Variants in RAB6B observed in about 807,000 individuals in gnomAD.
The protein encoded by RAB6B is ras-related protein Rab-6B.
RAB6B carries 7 observed loss-of-function variants against 31.2 expected under a neutral mutation model. That is an observed-to-expected ratio of 0.22 (90% CI 0.13 to 0.42). The LOEUF is 0.42. Ranked by LOEUF, RAB6B falls within the 10% of genes least tolerant of loss-of-function variation. RAB6B has a pLI of 1.00. For synonymous variants in RAB6B, 105 were observed against 104.9 expected, an observed-to-expected ratio of 1.00 and a Z score of -0.01; for missense variants, 149 against 280.6, an observed-to-expected ratio of 0.53 and a Z score of 3.35.
chr3:133,853,076 G>C (rs369866550), intron 2 of RAB6B, among the ~76,000 whole-genome samples: 2 of 152,194 alleles, frequency 1.3e-5, no homozygotes, highest in South Asian at 2.1e-4. Context: ...GAGGGATATG[G>C]GGACATCAGA....
intron 1 of RAB6B, among the ~76,000 whole-genome samples, chr3:133,867,909 C>A (rs1312009855): frequency 6.6e-6 from 1 of 152,188 alleles, no homozygotes; most frequent in Non-Finnish European, 1.5e-5. Context: ...GGAGCTGAAG[C>A]CTTCTTCCCC....
chr3:133,827,651 A>G lies in RAB6B; in HGVS notation c.*1137T>C. On this transcript the variant is annotated 3_prime_UTR_variant, in exon 8 of 8. Coordinates refer to ENST00000285208, the MANE Select transcript of RAB6B (RefSeq NM_016577.4). ...CGCCATGCCACTGGGGTGAAAACAT[A>G]GCAACAAATCAGCTTTTCCAGAAAG... 1 of 542,416 alleles carries G rather than the reference A, an allele frequency of 1.8e-6. No homozygotes were observed. Among genetic ancestry groups the G allele is most frequent in the East Asian group, 3.2e-5 (1 of 30,858 alleles). 33.6% of individuals were successfully genotyped at this position (542,416 alleles called of 1,614,324 possible).
At chr3:133,882,939 G>T (rs1421932436) in intron 1 of RAB6B, among the ~76,000 whole-genome samples, 2 of 152,208 alleles carry the variant, frequency 1.3e-5, no homozygotes, top group Non-Finnish European at 2.9e-5. Context: ...GGAGGGAGGG[G>T]AATTTAATGA....
chr3:133,883,284 G>T (rs1176595176), intron 1 of RAB6B, among the ~76,000 whole-genome samples: 1 of 152,202 alleles, frequency 6.6e-6, no homozygotes, highest in Non-Finnish European at 1.5e-5. Context: ...CCAAGGCAAG[G>T]TAACAGCCTT....
Position 133,828,173 on chromosome 3 carries a change from G to A in RAB6B, c.*615C>T, listed in dbSNP as rs1489432090. 1 of 592,184 alleles carries A rather than the reference G, an allele frequency of 1.7e-6. No homozygotes were observed. The highest frequency in any genetic ancestry group is 3.0e-6 in the Non-Finnish European group (1 of 332,600). 36.7% of individuals were successfully genotyped at this position (592,184 alleles called of 1,614,324 possible). ...CTTGGTCTCAGCTCCACACGAGGTTGACGACCCACTCTGGCCATGGAAAGA... is the reference window on the plus strand; with the variant it reads ...CTTGGTCTCAGCTCCACACGAGGTTAACGACCCACTCTGGCCATGGAAAGA... On this transcript the variant is annotated 3_prime_UTR_variant, in exon 8 of 8. Coordinates refer to ENST00000285208, the MANE Select transcript of RAB6B (RefSeq NM_016577.4).
chr3:133,875,900 C>A (rs529058089), intron 1 of RAB6B, among the ~76,000 whole-genome samples: 1 of 152,194 alleles, frequency 6.6e-6, no homozygotes, highest in Non-Finnish European at 1.5e-5. Context: ...GAGAACCGAA[C>A]GCACTCGTGT....
At chr3:133,837,727 G>A (rs1179316304) in intron 6 of RAB6B, among the ~76,000 whole-genome samples, 1 of 152,148 alleles carries the variant, frequency 6.6e-6, no homozygotes, top group Non-Finnish European at 1.5e-5. Context: ...TTTCCCCCAG[G>A]CCTGAGTTGC....
At chr3:133,856,635 G>T (rs931106671) in intron 2 of RAB6B, among the ~76,000 whole-genome samples, 5 of 152,326 alleles carry the variant, frequency 3.3e-5, no homozygotes, top group African/African-American at 1.2e-4. Flanking sequence ...AGTAGCTCCT[G>T]ATACATTTAA....
rs916183468 is a variant in RAB6B, at chr3:133,895,746, G to A, written c.-280C>T. On this transcript the variant is annotated 5_prime_UTR_variant, in exon 1 of 8. Transcript: ENST00000285208. Reference sequence around the variant, plus strand: ...GCGGTGCGAGGGGCGCGCTCTTTACGCCCGAGGCGCGGCGCTGGGAGAGAG... The same window carrying A: ...GCGGTGCGAGGGGCGCGCTCTTTACACCCGAGGCGCGGCGCTGGGAGAGAG... 2 of 440,570 alleles carry A rather than the reference G, an allele frequency of 4.5e-6. No homozygotes were observed. Among genetic ancestry groups the A allele is most frequent in the African/African-American group, 2.1e-5 (1 of 48,036 alleles). The allele number at this position is 440,570 out of a possible 1,614,324, so 27.3% of individuals were successfully genotyped here.
chr3:133,838,265 G>T lies in RAB6B; in HGVS notation c.402-6C>A, dbSNP rs756490923. On this transcript the variant is annotated splice_region_variant and splice_polypyrimidine_tract_variant and intron_variant, in intron 5 of 7. Coordinates refer to ENST00000285208, the MANE Select transcript of RAB6B (RefSeq NM_016577.4). Reference sequence around the variant, plus strand: ...CCTCCTCGATGGTTATCTGCCTAGAGATGAGGGGAAGGGGGGAAATCAGCT... The same window carrying T: ...CCTCCTCGATGGTTATCTGCCTAGATATGAGGGGAAGGGGGGAAATCAGCT... 7.4e-6 allele frequency: 12 copies of T among 1,612,670 alleles called. No individual in the cohort carries two copies. The highest frequency in any genetic ancestry group is 1.3e-5 in the African/African-American group (1 of 74,904).
At position 133,834,073 on chromosome 3, in the gene RAB6B, C is replaced by T. The variant is rs78064071; in HGVS notation, c.562+502G>A. 1.9e-3 allele frequency among the ~76,000 whole-genome samples: 283 copies of T among 152,048 alleles called. 1 individual carries two copies. The highest frequency in any genetic ancestry group is 6.6e-3 in the African/African-American group (275 of 41,464). On this transcript the variant is annotated intron_variant, in intron 7 of 7. Coordinates refer to ENST00000285208, the MANE Select transcript of RAB6B (RefSeq NM_016577.4). ...GGTTGGGGCTGGTTTGTGGGTGATG[C>T]GCAATGGTCCCACAGATCAGTGGGG... is the stretch of plus-strand genomic sequence containing the variant.
chr3:133,873,910 G>C (rs994021777), intron 1 of RAB6B, among the ~76,000 whole-genome samples: 1 of 152,158 alleles, frequency 6.6e-6, no homozygotes, highest in African/African-American at 2.4e-5. Flanking sequence ...AGATAAGCTA[G>C]AGAAAAGAAA....
intron 1 of RAB6B, among the ~76,000 whole-genome samples, chr3:133,869,219 TG>T (rs1348743388): frequency 1.3e-5 from 2 of 152,180 alleles, no homozygotes; most frequent in Non-Finnish European, 2.9e-5. Context: ...TAGGTTGCTA[TG>T]GGGGACACAC....
chr3:133,834,396 G>A (rs960263880), intron 7 of RAB6B, among the ~76,000 whole-genome samples, 179 bp downstream of exon 7: 9 of 152,122 alleles, frequency 5.9e-5, no homozygotes, highest in South Asian at 2.1e-4. Flanking sequence ...AGAGCCAGAC[G>A]GGGGCTCCAA....
chr3:133,847,901 T>C (rs1935927686), intron 2 of RAB6B, among the ~76,000 whole-genome samples: 1 of 152,228 alleles, frequency 6.6e-6, no homozygotes, highest in Non-Finnish European at 1.5e-5. Context: ...TGTTCTCTTC[T>C]AGGATCTTCT....
At chr3:133,873,668 T>C (rs1216644058) in intron 1 of RAB6B, among the ~76,000 whole-genome samples, 2 of 152,132 alleles carry the variant, frequency 1.3e-5, no homozygotes, top group African/African-American at 4.8e-5. Context: ...AACAAAAAAA[T>C]TTATATATTC....
At chr3:133,864,173 C>T (rs777273950) in intron 2 of RAB6B, among the ~76,000 whole-genome samples, 57 of 92,538 alleles carry the variant, frequency 6.2e-4, no homozygotes, top group Non-Finnish European at 9.3e-4. Flanking sequence ...TGGGGGGGGG[C>T]GGGGGTGAGA....
Position 133,828,858 on chromosome 3 carries a change from G to C in RAB6B, c.563-6C>G. On this transcript the variant is annotated splice_region_variant and splice_polypyrimidine_tract_variant and intron_variant, in intron 7 of 7. Transcript: ENST00000285208. The stretch of plus-strand genomic sequence containing the variant: ...GTCCAGCTTGATGTCGATCACTGCA[G>C]GGGGACGGGCTAAGGAAGATGACTC... 6.2e-7 allele frequency: 1 copy of C among 1,609,720 alleles called. No homozygotes were observed. The highest frequency in any genetic ancestry group is 1.3e-5 in the African/African-American group (1 of 74,924).
At chr3:133,835,342 T>TG (rs776511534) in intron 6 of RAB6B, among the ~76,000 whole-genome samples, 2 of 151,932 alleles carry the variant, frequency 1.3e-5, no homozygotes, top group African/African-American at 2.4e-5. Context: ...TGTAAGCATA[T>TG]GGGGGAATGT....
Sources: gnomAD v4.1 joint callset for allele counts (sites outside exome capture counted in the v4.1 genomes callset) on GRCh38, gnomAD v4.1.1 for gene constraint, MANE v1.5 for transcripts, NCBI Gene and HGNC (gene_info 2026-07-23, HGNC 2026-07-21) for gene names.